Variants in MMP12 observed in about 807,000 individuals in gnomAD.
The protein encoded by MMP12 is matrix metallopeptidase 12.
Under a neutral mutation model 45.2 loss-of-function variants are expected in MMP12, and 51 were observed. The ratio of observed to expected loss-of-function variants is 1.13; its 90% CI spans 0.90 to 1.42. MMP12 has a LOEUF of 1.42. Ranked by LOEUF, MMP12 falls within the 40% of genes most tolerant of loss-of-function variation. MMP12 has a pLI of 0.00. For missense variants in MMP12, 530 were observed against 570.8 expected, an observed-to-expected ratio of 0.93 and a Z score of 0.73; for synonymous variants, 210 against 193.3, an observed-to-expected ratio of 1.09 and a Z score of -0.72.
At chr11:102,871,329 A>G (rs1236271142) in intron 4 of MMP12, among the ~76,000 whole-genome samples, 5 of 152,176 alleles carry the variant, frequency 3.3e-5, no homozygotes, top group Non-Finnish European at 5.9e-5. Flanking sequence ...CTCATAGTTC[A>G]TAGCATCCTC....
At position 102,865,878 on chromosome 11, in the gene MMP12, A is replaced by G. The variant is rs1555008445; in HGVS notation, c.1103T>C (p.Ile368Thr). The stretch of plus-strand genomic sequence containing the variant: ...AAAGTTAGGAAAACCAAAAGAATGT[A>G]TGCTCTTGGGATAATTTGGCTCTGG... Reference protein sequence around the residue: ...LRPEPNYPKSIHSFGFPNFVK... With the variant: ...LRPEPNYPKSTHSFGFPNFVK... The change falls in exon 8 of 10, where the codon ATA becomes ACA. Residue 368 changes from isoleucine to threonine, a missense_variant. By Grantham distance (89) the Ile-to-Thr change is moderately conservative (BLOSUM62 -1). Transcript: ENST00000571244. This position sits in a 1 kb window ranked among gnomAD's most constrained non-coding sequence, Gnocchi z 4.1. 2.5e-6 allele frequency: 4 copies of G among 1,613,200 alleles called. No homozygotes were observed. The South Asian group carries it at 3.3e-5, about 13-fold the overall frequency.
Position 102,863,756 on chromosome 11 carries a change from G to A in MMP12, c.1312+390C>T, listed in dbSNP as rs577273807. Among the ~76,000 whole-genome samples the A allele has an allele frequency of 1.7e-4, 26 of 152,298 alleles. No individual in the cohort carries two copies. In the East Asian group the frequency reaches 4.8e-3, roughly 28 times the overall value. The stretch of plus-strand genomic sequence containing the variant: ...CCATGAGGGCCTATCAGGGCAGAAG[G>A]GACTATAGGAAAGGTCAAGAGTGCA... On this transcript the variant is annotated intron_variant, in intron 9 of 9. Coordinates refer to ENST00000571244, the MANE Select transcript of MMP12 (RefSeq NM_002426.6).
chr11:102,864,069 C>G, intron 9 of MMP12, 77 bp downstream of exon 9: 1 of 1,118,842 alleles, frequency 8.9e-7, no homozygotes, highest in Non-Finnish European at 1.3e-6. Context: ...AATTTGGAGC[C>G]CTATTCTCTA....
At chr11:102,873,343 T>G (rs1420799356) in intron 1 of MMP12, among the ~76,000 whole-genome samples, 1 of 152,174 alleles carries the variant, frequency 6.6e-6, no homozygotes, top group African/African-American at 2.4e-5. Context: ...CTCAGGCCTG[T>G]AATCCCAGCA....
chr11:102,869,456 A>C (rs1368797036), intron 4 of MMP12, among the ~76,000 whole-genome samples: 3 of 152,100 alleles, frequency 2.0e-5, no homozygotes, highest in Non-Finnish European at 4.4e-5. Flanking sequence ...TCTGGAAATA[A>C]TGGGTTTATG....
At chr11:102,866,085 C>T (rs1859381390) in intron 7 of MMP12, 150 bp from the exon 8 acceptor site, 2 of 886,622 alleles carry the variant, frequency 2.3e-6, no homozygotes, top group East Asian at 2.8e-5. Flanking sequence ...CTATGGTTCC[C>T]ATGGTTTTTT....
In MMP12 at chr11:102,871,858, A is replaced by T. The variant is rs782443944; in HGVS notation, c.445T>A (p.Phe149Ile). The change falls in exon 3 of 10, where the codon TTC becomes ATC. Residue 149 changes from phenylalanine (F) to isoleucine (I), a missense_variant. Phe to Ile is a conservative substitution (Grantham distance 21). Transcript: ENST00000571244. ...GCCATGCCTGTGTTAATCTTGCTGA[A>T]TTTCAAGGGGGTAACATTACTCCAT... ...QVWSNVTPLK[F>I]SKINTGMADI... is the part of the protein sequence containing the mutation. 1 of 1,613,772 alleles carries T rather than the reference A, an allele frequency of 6.2e-7. No individual in the cohort carries two copies. The highest frequency in any genetic ancestry group is 8.5e-7 in the Non-Finnish European group (1 of 1,179,812).
At chr11:102,874,732 C>T (rs528480282) in intron 1 of MMP12, 104 bp downstream of exon 1, 109 of 765,894 alleles carry the variant, frequency 1.4e-4, no homozygotes, top group Non-Finnish European at 2.1e-4. Flanking sequence ...TCAGCTGATA[C>T]GTAAAAGCAA....
chr11:102,868,731 T>G (rs1334404231), intron 4 of MMP12, among the ~76,000 whole-genome samples: 1 of 152,218 alleles, frequency 6.6e-6, no homozygotes, highest in African/African-American at 2.4e-5. Context: ...AATTAAGTGC[T>G]TGAGCCAAGA....
chr11:102,864,283 A>G (rs965346854), intron 8 of MMP12, 31 bp from the exon 9 acceptor site: 15 of 1,506,674 alleles, frequency 1.0e-5, no homozygotes, highest in East Asian at 2.3e-5. Flanking sequence ...CAGGAACTCA[A>G]TCAGAAAGTG....
chr11:102,874,425 T>G (rs1859557734), intron 1 of MMP12, among the ~76,000 whole-genome samples: 1 of 152,128 alleles, frequency 6.6e-6, no homozygotes, highest in Non-Finnish European at 1.5e-5. Flanking sequence ...CTGAGATGAC[T>G]GAGGGTAAAG....
chr11:102,870,026 A>G (rs537926753), intron 4 of MMP12, among the ~76,000 whole-genome samples: 2 of 152,316 alleles, frequency 1.3e-5, no homozygotes, highest in Admixed American at 1.3e-4. Context: ...CATTGAATCA[A>G]TCCAATTAAA....
chr11:102,874,586 C>G (rs1859560452), intron 1 of MMP12, among the ~76,000 whole-genome samples: 1 of 152,070 alleles, frequency 6.6e-6, no homozygotes, highest in Non-Finnish European at 1.5e-5. Flanking sequence ...ATTTCTTGGC[C>G]AAAGGTTTTT....
intron 2 of MMP12, 133 bp from the exon 3 acceptor site, chr11:102,872,085 G>T: frequency 1.9e-6 from 2 of 1,028,902 alleles, no homozygotes; most frequent in Non-Finnish European, 2.7e-6. Context: ...TTTAAAACTT[G>T]CTTCATTAAC....
Position 102,865,731 on chromosome 11 carries a change from T to G in MMP12, c.1205+45A>C, listed in dbSNP as rs887643920. On this transcript the variant is annotated intron_variant, in intron 8 of 9. Coordinates refer to ENST00000571244, the MANE Select transcript of MMP12 (RefSeq NM_002426.6). The surrounding 1 kb of genome is among the most constrained non-coding windows in gnomAD (Gnocchi z 4.1). ...CTTCTAGAAAGCCTCATTCCATATC[T>G]GTTTCACAATCTGAGGGGTCGAATG... The G allele has an allele frequency of 6.5e-7, 1 of 1,534,734 alleles. No homozygotes were observed. The highest frequency in any genetic ancestry group is 1.4e-5 in the African/African-American group (1 of 73,232).
intron 4 of MMP12, among the ~76,000 whole-genome samples, chr11:102,870,018 T>G (rs781999386): frequency 1.3e-5 from 2 of 152,186 alleles, no homozygotes; most frequent in Non-Finnish European, 2.9e-5. Flanking sequence ...TTTGAAAGCA[T>G]TGAATCAATC....
chr11:102,867,928 C>T lies in MMP12; in HGVS notation c.767G>A (p.Arg256His), dbSNP rs782471738. The change falls in exon 5 of 10, where the codon CGT becomes CAT. Residue 256 changes from arginine to histidine, a missense_variant. Physicochemically the swap from Arg to His is conservative, Grantham distance 29 (BLOSUM62 0). Transcript: ENST00000571244. ...CTCACCATACAGGGACTGAATGCCACGTATGTCATCAGCAGAGAGGCGAAA... is the reference window on the plus strand; with the variant it reads ...CTCACCATACAGGGACTGAATGCCATGTATGTCATCAGCAGAGAGGCGAAA... ...NTFRLSADDI[R>H]GIQSLYGDPK... is the part of the protein sequence containing the mutation. 6.2e-6 allele frequency: 10 copies of T among 1,610,008 alleles called. No individual in the cohort carries two copies. Among genetic ancestry groups the T allele is most frequent in the South Asian group, 3.3e-5 (3 of 89,826 alleles).
intron 2 of MMP12, among the ~76,000 whole-genome samples, chr11:102,872,465 T>C (rs1555009522): frequency 6.6e-6 from 1 of 152,030 alleles, no homozygotes; most frequent in East Asian, 1.9e-4. Flanking sequence ...CTCAGCCTCC[T>C]GAGTAGCTGG....
At chr11:102,866,722 C>A (rs567233924) in intron 6 of MMP12, among the ~76,000 whole-genome samples, 1 of 152,274 alleles carries the variant, frequency 6.6e-6, no homozygotes, top group South Asian at 2.1e-4. Flanking sequence ...CTACAATTCA[C>A]TCACCAGTTT....
Sources: allele counts gnomAD v4.1 joint callset (sites outside exome capture counted in the v4.1 genomes callset), GRCh38; gene constraint gnomAD v4.1.1; non-coding constraint Gnocchi (gnomAD v3.1); transcripts MANE v1.5; gene names NCBI Gene and HGNC (gene_info 2026-07-23, HGNC 2026-07-21).